The following STK3 variants were observed in gnomAD, a reference collection of about 807,000 sequenced individuals.
The protein encoded by STK3 is serine/threonine-protein kinase 3.
In STK3, 41 loss-of-function variants were observed where a neutral mutation model predicts 58.0. The ratio of observed to expected loss-of-function variants is 0.71; its 90% CI spans 0.55 to 0.92. The LOEUF is 0.92. STK3 is among the 40% of genes least tolerant of loss of function. The pLI, the probability that STK3 is intolerant of heterozygous loss-of-function variation, is 0.00. For synonymous variants in STK3, 170 were observed against 191.0 expected, an observed-to-expected ratio of 0.89 and a Z score of 0.91; for missense variants, 479 against 602.7, an observed-to-expected ratio of 0.79 and a Z score of 2.15.
chr8:98,374,134 G>A (rs192414157), intron 2 of STK3, among the ~76,000 whole-genome samples: 26 of 152,306 alleles, frequency 1.7e-4, no homozygotes, highest in Non-Finnish European at 3.1e-4. Flanking sequence ...TTTCAGAAGC[G>A]TGATGAAGGG....
At chr8:98,824,718 T>C (rs1273154685) in intron 1 of STK3, among the ~76,000 whole-genome samples, 1 of 152,230 alleles carries the variant, frequency 6.6e-6, no homozygotes, top group Non-Finnish European at 1.5e-5. Context: ...TCCCATGTTC[T>C]TGAACACACC....
chr8:98,660,184 T>C (rs1045016457), intron 6 of STK3, among the ~76,000 whole-genome samples: 3 of 152,060 alleles, frequency 2.0e-5, no homozygotes, highest in Non-Finnish European at 4.4e-5. Flanking sequence ...AAATACTCTA[T>C]GATTACACTT....
chr8:98,446,883 T>G (rs1818974089), intron 1 of STK3, among the ~76,000 whole-genome samples: 1 of 152,126 alleles, frequency 6.6e-6, no homozygotes, highest in South Asian at 2.1e-4. Context: ...ACAGTATATA[T>G]ACACCATAGA....
chr8:98,918,587 T>G (rs1423651809), intron 1 of STK3, among the ~76,000 whole-genome samples: 1 of 151,886 alleles, frequency 6.6e-6, no homozygotes, highest in Non-Finnish European at 1.5e-5. Flanking sequence ...CTGAGCAACA[T>G]AGCAAGACCC....
chr8:98,724,454 C>A (rs1018621504), intron 4 of STK3, among the ~76,000 whole-genome samples: 2 of 152,138 alleles, frequency 1.3e-5, no homozygotes, highest in Non-Finnish European at 2.9e-5. Flanking sequence ...ATGAATAGTT[C>A]TTTGTGTTTG....
chr8:98,451,882 G>T, downstream of STK3, among the ~76,000 whole-genome samples: 1 of 123,110 alleles, frequency 8.1e-6, no homozygotes. Context: ...TAGTCTTTCA[G>T]GCCAAAAAAA....
At chr8:98,552,227 T>C (rs1811225551) in intron 8 of STK3, among the ~76,000 whole-genome samples, 1 of 152,096 alleles carries the variant, frequency 6.6e-6, no homozygotes, top group Admixed American at 6.6e-5. Context: ...AGCATGAAAA[T>C]AGCCTACTGA....
At chr8:98,605,649 A>G (rs1816715242) in intron 6 of STK3, among the ~76,000 whole-genome samples, 1 of 152,128 alleles carries the variant, frequency 6.6e-6, no homozygotes, top group African/African-American at 2.4e-5. Context: ...TCACAAATGT[A>G]GTGGTTCATA....
At chr8:98,898,895 C>G (rs980608978) in intron 1 of STK3, among the ~76,000 whole-genome samples, 2 of 152,166 alleles carry the variant, frequency 1.3e-5, no homozygotes, top group African/African-American at 2.4e-5. Context: ...GGTACGTGCT[C>G]GGCCACAGCC....
intron 6 of STK3, among the ~76,000 whole-genome samples, chr8:98,698,293 C>G (rs1267297069): frequency 6.6e-6 from 1 of 151,640 alleles, no homozygotes; most frequent in East Asian, 1.9e-4. Flanking sequence ...ATACAGCACA[C>G]TGATGGGTCT....
the STK3 span, among the ~76,000 whole-genome samples, chr8:98,349,948 T>A: frequency 2.6e-5 from 4 of 152,074 alleles, no homozygotes; most frequent in African/African-American, 4.8e-5. Context: ...CTGGAGACAT[T>A]TTCCACATTG....
rs141126167 is a variant in STK3, at chr8:98,854,859, C to A, written c.110+28788G>T. Reference sequence around the variant, plus strand: ...TCACTTTGAGGTCAAGAGTTTGAGACTAGCCTGGCAAATATGGCGAAACCC... The same window carrying A: ...TCACTTTGAGGTCAAGAGTTTGAGAATAGCCTGGCAAATATGGCGAAACCC... On this transcript the variant is annotated intron_variant, in intron 3 of 12. Coordinates refer to the STK3 transcript ENST00000523601. 1.9e-3 allele frequency among the ~76,000 whole-genome samples: 289 copies of A among 152,220 alleles called. 1 individual carries two copies. Among genetic ancestry groups the A allele is most frequent in the African/African-American group, 6.3e-3 (260 of 41,538 alleles).
intron 1 of STK3, among the ~76,000 whole-genome samples, chr8:98,817,961 T>C (rs1002734096): frequency 5.3e-5 from 8 of 152,210 alleles, no homozygotes; most frequent in Admixed American, 2.0e-4. Context: ...GCCGGCATCA[T>C]TGAATCCGTG....
intron 4 of STK3, among the ~76,000 whole-genome samples, chr8:98,711,495 C>A (rs1826435962): frequency 6.6e-6 from 1 of 152,162 alleles, no homozygotes; most frequent in Admixed American, 6.5e-5. Flanking sequence ...ATGCACAAGC[C>A]TCAGTAGCCG....
intron 7 of STK3, among the ~76,000 whole-genome samples, chr8:98,585,959 T>G (rs905161200): frequency 6.6e-6 from 1 of 152,194 alleles, no homozygotes; most frequent in Non-Finnish European, 1.5e-5. Context: ...ATCCTGAAAC[T>G]TTGCTGAAGT....
At chr8:98,929,992 T>A (rs1839948471) in intron 1 of STK3, among the ~76,000 whole-genome samples, 1 of 152,196 alleles carries the variant, frequency 6.6e-6, no homozygotes, top group South Asian at 2.1e-4. Context: ...CTCCAATATA[T>A]AACCTTTCTC....
chr8:98,682,020 T>C (rs1186857221), intron 6 of STK3, among the ~76,000 whole-genome samples: 2 of 152,218 alleles, frequency 1.3e-5, no homozygotes, highest in Non-Finnish European at 2.9e-5. Flanking sequence ...AATTGTGCTT[T>C]ACATAAATAC....
chr8:98,915,666 T>C (rs1356486864), intron 1 of STK3, among the ~76,000 whole-genome samples: 1 of 151,896 alleles, frequency 6.6e-6, no homozygotes, highest in African/African-American at 2.4e-5. Context: ...TGTGTGTGTT[T>C]GTGTGTGCGT....
chr8:98,377,059 G>A (rs1334380645), intron 2 of STK3, among the ~76,000 whole-genome samples: 1 of 152,088 alleles, frequency 6.6e-6, no homozygotes, highest in African/African-American at 2.4e-5. Context: ...TGCATTACCT[G>A]GAAGACTCTT....
Sources: gnomAD v4.1 joint callset for allele counts (sites outside exome capture counted in the v4.1 genomes callset) on GRCh38, gnomAD v4.1.1 for gene constraint, MANE v1.5 for transcripts, NCBI Gene and HGNC (gene_info 2026-07-23, HGNC 2026-07-21) for gene names.